TEX36: variants seen among roughly 807,000 people sequenced by gnomAD.
TEX36 encodes testis expressed 36.
A neutral mutation model predicts 13.6 loss-of-function variants in TEX36; 12 were observed. The observed-to-expected ratio is 0.88, with a 90% CI of 0.56 to 1.43. The LOEUF is 1.43. Ranked by LOEUF, TEX36 falls within the 40% of genes most tolerant of loss-of-function variation. The probability of loss-of-function intolerance (pLI) is 0.00; values close to 1 mark genes in which losing one functional copy is unlikely to be tolerated. For missense variants in TEX36, 224 were observed against 228.3 expected, an observed-to-expected ratio of 0.98 and a Z score of 0.12; for synonymous variants, 93 against 83.0, an observed-to-expected ratio of 1.12 and a Z score of -0.65.
At chr10:125,638,852 G>A (rs1846649873) in intron 3 of TEX36, among the ~76,000 whole-genome samples, 1 of 152,224 alleles carries the variant, frequency 6.6e-6, no homozygotes, top group African/African-American at 2.4e-5. Flanking sequence ...GCATCACTGA[G>A]ACTTCATGTT....
intron 3 of TEX36, among the ~76,000 whole-genome samples, chr10:125,638,594 A>C (rs1189023758): frequency 6.6e-6 from 1 of 152,090 alleles, no homozygotes; most frequent in East Asian, 1.9e-4. Context: ...CAAACAAACA[A>C]AAAAAAATTT....
At position 125,661,057 on chromosome 10, in the gene TEX36, C is replaced by G. The variant is rs1847028289; in HGVS notation, c.228G>C (p.Arg76=). The G allele has an allele frequency of 1.3e-6, 2 of 1,551,612 alleles. No homozygotes were observed. Among genetic ancestry groups the G allele is most frequent in the South Asian group, 2.4e-5 (2 of 84,044 alleles). Residue 76 remains arginine, a synonymous_variant, in exon 3 of 4, where the codon CGG becomes CGC. Coordinates refer to ENST00000368821, the MANE Select transcript of TEX36 (RefSeq NM_001128202.3). ...AGCATCCAGAGTTCTCCAAGCTGTG[C>G]CGATTGTCATGCACGGAGAAGGGGA... The part of the protein sequence containing the change: ...NQFPFSVHDN[R]HSLENSGCYL...
intron 3 of TEX36, among the ~76,000 whole-genome samples, chr10:125,656,735 C>T (rs1334254987): frequency 6.6e-6 from 1 of 152,092 alleles, no homozygotes; most frequent in Non-Finnish European, 1.5e-5. Flanking sequence ...CTGGTGCCAC[C>T]AAGGGGCCTG....
chr10:125,583,692 T>C (rs1285086699), intron 3 of TEX36, among the ~76,000 whole-genome samples: 1 of 152,236 alleles, frequency 6.6e-6, no homozygotes, highest in South Asian at 2.1e-4. Context: ...GTAATACTTT[T>C]AAAATGTTTT....
intron 3 of TEX36, among the ~76,000 whole-genome samples, chr10:125,602,523 C>T (rs997866644): frequency 6.6e-6 from 1 of 152,180 alleles, no homozygotes; most frequent in African/African-American, 2.4e-5. Flanking sequence ...ATTCCCTCCA[C>T]TGGGATTCGT....
chr10:125,631,915 T>C (rs1846562058), intron 3 of TEX36, among the ~76,000 whole-genome samples: 1 of 152,054 alleles, frequency 6.6e-6, no homozygotes, highest in Admixed American at 6.6e-5. Flanking sequence ...CATGGTCTTT[T>C]AAGCAGGAAC....
downstream of TEX36, among the ~76,000 whole-genome samples, chr10:125,655,306 G>A (rs1030224319): frequency 1.4e-4 from 22 of 152,092 alleles, no homozygotes; most frequent in Admixed American, 5.2e-4. Context: ...TTAGCCCAGC[G>A]TGATGGTGCA....
chr10:125,608,069 G>T (rs561501251), intron 3 of TEX36, among the ~76,000 whole-genome samples: 1 of 152,306 alleles, frequency 6.6e-6, no homozygotes, highest in Admixed American at 6.5e-5. Flanking sequence ...CTCTCACAGA[G>T]CTTGGAGACT....
downstream of TEX36, among the ~76,000 whole-genome samples, chr10:125,618,249 G>A (rs1426655327): frequency 1.4e-3 from 220 of 152,212 alleles, 1 homozygote; most frequent in African/African-American, 4.7e-3. Context: ...CCCGTAGCTC[G>A]GAGTAATTTG....
At chr10:125,676,751 C>G (rs1410892244) in intron 1 of TEX36, among the ~76,000 whole-genome samples, 1 of 152,068 alleles carries the variant, frequency 6.6e-6, no homozygotes, top group Non-Finnish European at 1.5e-5. Context: ...TGTAGTGGTA[C>G]AATTTGAATC....
At chr10:125,666,673 C>T (rs1202154691) in intron 1 of TEX36, among the ~76,000 whole-genome samples, 1 of 152,126 alleles carries the variant, frequency 6.6e-6, no homozygotes, top group African/African-American at 2.4e-5. Context: ...CGCCCCCCCT[C>T]CTCCAACCTT....
chr10:125,609,852 T>C (rs1846269053), intron 3 of TEX36, among the ~76,000 whole-genome samples: 1 of 152,148 alleles, frequency 6.6e-6, no homozygotes, highest in African/African-American at 2.4e-5. Context: ...CATTTGTCTG[T>C]AGTGAGATAT....
At chr10:125,637,706 C>T (rs557634991) in intron 3 of TEX36, among the ~76,000 whole-genome samples, 103 of 152,260 alleles carry the variant, frequency 6.8e-4, no homozygotes, top group Non-Finnish European at 6.0e-4. Flanking sequence ...CTGACTCAGC[C>T]GGTCCAGTGG....
At chr10:125,610,963 T>G (rs545881074) in intron 3 of TEX36, among the ~76,000 whole-genome samples, 7 of 152,202 alleles carry the variant, frequency 4.6e-5, no homozygotes, top group Non-Finnish European at 8.8e-5. Flanking sequence ...ATAGGTGCTA[T>G]CTTACGTTTC....
chr10:125,589,500 C>G (rs184848710), intron 3 of TEX36, among the ~76,000 whole-genome samples: 1 of 152,142 alleles, frequency 6.6e-6, no homozygotes, highest in African/African-American at 2.4e-5. Context: ...GATGGATACT[C>G]TACTATTTTA....
intron 3 of TEX36, among the ~76,000 whole-genome samples, chr10:125,600,875 T>C (rs1435613085): frequency 6.6e-6 from 1 of 152,230 alleles, no homozygotes. Context: ...AGACACTGAA[T>C]ACCGCGGCCC....
chr10:125,655,180 C>A (rs899545945), downstream of TEX36, among the ~76,000 whole-genome samples: 5 of 152,190 alleles, frequency 3.3e-5, no homozygotes, highest in African/African-American at 1.2e-4. Context: ...CGCGGTGGCT[C>A]ATGCCTGTAA....
At chr10:125,680,146 T>C (rs1355987733) in intron 1 of TEX36, among the ~76,000 whole-genome samples, 2 of 152,232 alleles carry the variant, frequency 1.3e-5, no homozygotes, top group Non-Finnish European at 2.9e-5. Flanking sequence ...GAGGTAAATA[T>C]AAATAATACA....
At chr10:125,583,415 G>T (rs1409269639) in intron 3 of TEX36, among the ~76,000 whole-genome samples, 4 of 151,822 alleles carry the variant, frequency 2.6e-5, no homozygotes, top group African/African-American at 9.7e-5. Context: ...CCTCCAGAGG[G>T]AATGAACGCT....
Sources: gnomAD v4.1 joint callset for allele counts (sites outside exome capture counted in the v4.1 genomes callset) on GRCh38, gnomAD v4.1.1 for gene constraint, MANE v1.5 for transcripts, NCBI Gene and HGNC (gene_info 2026-07-23, HGNC 2026-07-21) for gene names.